The following ALK variants were observed in gnomAD, a reference collection of about 807,000 sequenced individuals.
ALK encodes ALK receptor tyrosine kinase, also known as ALK tyrosine kinase receptor.
A neutral mutation model predicts 163.1 loss-of-function variants in ALK; 74 were observed. The ratio of observed to expected loss-of-function variants is 0.45; its 90% CI spans 0.38 to 0.55. The LOEUF is 0.55. Ranked by LOEUF, ALK falls within the 20% of genes least tolerant of loss-of-function variation. The pLI, the probability that ALK is intolerant of heterozygous loss-of-function variation, is 0.00. For missense variants in ALK, 2,063 were observed against 2,105.3 expected (o/e 0.98, Z 0.39); for synonymous variants, 960 against 843.2 (o/e 1.14, Z -2.40).
chr2:29,726,072 G>A (rs1015054931), intron 1 of ALK, among the ~76,000 whole-genome samples: 9 of 152,172 alleles, frequency 5.9e-5, no homozygotes, highest in Non-Finnish European at 1.0e-4. Context: ...GCTTTTGGTA[G>A]CTGTGGAAGA....
At chr2:29,341,046 A>G (rs1667776866) in intron 5 of ALK, among the ~76,000 whole-genome samples, 2 of 152,244 alleles carry the variant, frequency 1.3e-5, no homozygotes, top group South Asian at 2.1e-4. Context: ...GAATCACAAT[A>G]AAAGTTTCTT....
At chr2:29,721,355 A>G (rs1360469390) in intron 1 of ALK, among the ~76,000 whole-genome samples, 8 of 152,112 alleles carry the variant, frequency 5.3e-5, no homozygotes, top group African/African-American at 1.4e-4. Flanking sequence ...GTGGGAGAAG[A>G]GGGGTGGAGG....
chr2:29,220,003 T>C (rs987830633), intron 23 of ALK, among the ~76,000 whole-genome samples: 1 of 151,892 alleles, frequency 6.6e-6, no homozygotes, highest in Non-Finnish European at 1.5e-5. Flanking sequence ...GTTGCTTGAG[T>C]AGTTACATGG....
intron 1 of ALK, among the ~76,000 whole-genome samples, chr2:29,747,358 C>G (rs1680230930): frequency 6.6e-6 from 1 of 152,120 alleles, no homozygotes; most frequent in African/African-American, 2.4e-5. Flanking sequence ...AAACAATTGT[C>G]TACAGGTAGG....
chr2:29,705,273 ATATATAT>A (rs1678871440), intron 2 of ALK, among the ~76,000 whole-genome samples: 1 of 50,880 alleles, frequency 2.0e-5, no homozygotes, highest in South Asian at 6.4e-4. Context: ...ATATATATAT[ATATATAT>A]AAATATATAT....
intron 1 of ALK, among the ~76,000 whole-genome samples, chr2:29,761,989 A>G (rs539516322): frequency 5.5e-4 from 84 of 152,378 alleles, no homozygotes; most frequent in Non-Finnish European, 1.1e-3. Context: ...TGGAAAATGC[A>G]AATGAGAAAC....
intron 3 of ALK, among the ~76,000 whole-genome samples, chr2:29,630,855 T>G (rs955254459): frequency 6.6e-6 from 1 of 152,216 alleles, no homozygotes; most frequent in Non-Finnish European, 1.5e-5. Context: ...GCTTATAAAC[T>G]CCAGCATCAC....
chr2:29,719,099 C>T lies in ALK; in HGVS notation c.668-1402G>A, dbSNP rs530123697. Among the ~76,000 whole-genome samples the T allele has an allele frequency of 1.2e-3, 181 of 152,366 alleles. 1 individual carries two copies. The highest frequency in any genetic ancestry group is 2.2e-3 in the Non-Finnish European group (150 of 68,038). On this transcript the variant is annotated intron_variant, in intron 1 of 28. Transcript: ENST00000389048. The stretch of plus-strand genomic sequence containing the variant: ...CCAGACCCCTCCACTATTTTACCTG[C>T]AGGTGCTGCCCTTAGGCAATGCTTA...
At chr2:29,764,994 G>A (rs1222824649) in intron 1 of ALK, among the ~76,000 whole-genome samples, 1 of 151,970 alleles carries the variant, frequency 6.6e-6, no homozygotes, top group South Asian at 2.1e-4. Flanking sequence ...TAGAAAGGTG[G>A]GTGGCACCTC....
At chr2:29,647,275 A>G (rs1676904662) in intron 3 of ALK, among the ~76,000 whole-genome samples, 1 of 152,194 alleles carries the variant, frequency 6.6e-6, no homozygotes, top group South Asian at 2.1e-4. Context: ...CTATACTTAT[A>G]GTTCAGATGA....
intron 6 of ALK, among the ~76,000 whole-genome samples, chr2:29,325,234 G>A (rs1667217073): frequency 1.3e-5 from 2 of 152,288 alleles, no homozygotes; most frequent in South Asian, 4.2e-4. Context: ...GCTGCAGTGT[G>A]AACACCTGCT....
chr2:29,508,657 T>A lies in ALK; in HGVS notation c.1154+23258A>T, dbSNP rs183166914. Among the ~76,000 whole-genome samples the A allele has an allele frequency of 2.9e-5, 4 of 139,376 alleles. No individual in the cohort carries two copies. The East Asian group carries it at 6.3e-4, about 22-fold the overall frequency. The allele number at this position is 139,376 out of a possible 152,430, so 91.4% of individuals were successfully genotyped here. A position where few individuals can be genotyped will look rare whatever the true frequency, so the allele number is the denominator to read the frequency against. On this transcript the variant is annotated intron_variant, in intron 4 of 28. Coordinates refer to ENST00000389048, the MANE Select transcript of ALK (RefSeq NM_004304.5). ...CACATGTATACATACGTAACTAACC[T>A]GCATGTTGTGCACATGTACCCTAAA...
At chr2:29,828,700 C>T (rs1180140275) in intron 1 of ALK, among the ~76,000 whole-genome samples, 3 of 152,146 alleles carry the variant, frequency 2.0e-5, no homozygotes, top group African/African-American at 7.2e-5. Flanking sequence ...AATAGGAACA[C>T]TTTTACACTG....
intron 3 of ALK, among the ~76,000 whole-genome samples, chr2:29,656,351 A>G (rs1210095849): frequency 1.3e-5 from 2 of 152,124 alleles, no homozygotes; most frequent in Admixed American, 6.5e-5. Context: ...AAGTATCTCA[A>G]CTGAAGCACT....
chr2:29,741,681 C>T (rs1680061530), intron 1 of ALK, among the ~76,000 whole-genome samples: 1 of 152,170 alleles, frequency 6.6e-6, no homozygotes, highest in Non-Finnish European at 1.5e-5. Flanking sequence ...CAACCAAGCT[C>T]AACCCCTTTC....
At chr2:29,744,396 G>A (rs1252896582) in intron 1 of ALK, among the ~76,000 whole-genome samples, 6 of 152,000 alleles carry the variant, frequency 3.9e-5, no homozygotes, top group African/African-American at 1.5e-4. Context: ...CAATACTTAG[G>A]GCTTAAAACA....
At position 29,636,333 on chromosome 2, in the gene ALK, GAAAGAAAGA is replaced by G. The variant is rs1211932354; in HGVS notation, c.952+58508_952+58516del. Among the ~76,000 whole-genome samples, 277 of 132,838 alleles carry G rather than the reference GAAAGAAAGA, an allele frequency of 2.1e-3. 3 individuals carry two copies. Among genetic ancestry groups the G allele is most frequent in the African/African-American group, 7.2e-3 (254 of 35,230 alleles). The allele number at this position is 132,838 out of a possible 152,430, so 87.1% of individuals were successfully genotyped here. A position where few individuals can be genotyped will look rare whatever the true frequency, so the allele number is the denominator to read the frequency against. On this transcript the variant is annotated intron_variant, in intron 3 of 28. Transcript: ENST00000389048. ...TGGACATCCAGAGGCCAAAAATAAA[GAAAGAAAGA>G]AAAGAAAAGAAAAGAAAAGAAAAGA...
intron 5 of ALK, among the ~76,000 whole-genome samples, chr2:29,345,474 T>C (rs2148274689): frequency 6.6e-6 from 1 of 151,792 alleles, no homozygotes; most frequent in African/African-American, 2.4e-5. Context: ...TACTCAGTCC[T>C]AGCAAGGATG....
chr2:29,292,167 A>G (rs1287422052), intron 9 of ALK, among the ~76,000 whole-genome samples: 1 of 152,262 alleles, frequency 6.6e-6, no homozygotes. Context: ...AAAAGCCTTT[A>G]TAATGATAGT....
Sources: allele counts gnomAD v4.1 joint callset (sites outside exome capture counted in the v4.1 genomes callset), GRCh38; gene constraint gnomAD v4.1.1; transcripts MANE v1.5; gene names NCBI Gene and HGNC (gene_info 2026-07-23, HGNC 2026-07-21).